The following TAFA1 variants were observed in gnomAD, a reference collection of about 807,000 sequenced individuals.
The protein encoded by TAFA1 is chemokine-like protein TAFA-1.
TAFA1 carries 4 observed loss-of-function variants against 18.5 expected under a neutral mutation model. That is an observed-to-expected ratio of 0.22 (90% CI 0.11 to 0.49). TAFA1 has a LOEUF of 0.49. Among genes scored for constraint, TAFA1 ranks in the 20% least tolerant of loss-of-function variants. TAFA1 has a pLI of 0.98. For synonymous variants in TAFA1, 56 were observed against 55.2 expected (o/e 1.01, Z -0.06); for missense variants, 147 against 169.0 (o/e 0.87, Z 0.72).
intron 2 of TAFA1, among the ~76,000 whole-genome samples, chr3:68,353,692 G>A (rs1418171695): frequency 6.6e-6 from 1 of 152,018 alleles, no homozygotes; most frequent in Non-Finnish European, 1.5e-5. Flanking sequence ...GACAGCAGAG[G>A]AGCAAGGTCA....
intron 4 of TAFA1, among the ~76,000 whole-genome samples, chr3:68,540,426 A>G (rs2073352953): frequency 6.6e-6 from 1 of 152,154 alleles, no homozygotes; most frequent in African/African-American, 2.4e-5. Flanking sequence ...ATTTTAATTA[A>G]CTAGTAGAAG....
intron 2 of TAFA1, among the ~76,000 whole-genome samples, chr3:68,402,581 A>G (rs1211539475): frequency 2.6e-5 from 4 of 152,156 alleles, no homozygotes; most frequent in African/African-American, 4.8e-5. Flanking sequence ...AATCAGAATT[A>G]CTGTTTGCCT....
At chr3:68,358,143 G>A (rs1268986642) in intron 2 of TAFA1, among the ~76,000 whole-genome samples, 1 of 151,906 alleles carries the variant, frequency 6.6e-6, no homozygotes, top group African/African-American at 2.4e-5. Context: ...CAGAATTACT[G>A]AAAACAACTA....
chr3:68,115,686 C>T (rs913143580), intron 2 of TAFA1, among the ~76,000 whole-genome samples: 2 of 152,162 alleles, frequency 1.3e-5, no homozygotes, highest in Non-Finnish European at 2.9e-5. Context: ...TTTTGCAGAC[C>T]GGTCAGCAGA....
chr3:68,349,316 A>G (rs1244783259), intron 2 of TAFA1, among the ~76,000 whole-genome samples: 2 of 152,012 alleles, frequency 1.3e-5, no homozygotes, highest in African/African-American at 4.8e-5. Flanking sequence ...TTGCTAAAAA[A>G]TTTGTACCAG....
chr3:68,195,236 A>G (rs1245858864), intron 2 of TAFA1, among the ~76,000 whole-genome samples: 1 of 150,684 alleles, frequency 6.6e-6, no homozygotes, highest in Non-Finnish European at 1.5e-5. Context: ...TACTACTTAA[A>G]ATGCTTAATT....
intron 3 of TAFA1, among the ~76,000 whole-genome samples, chr3:68,453,554 C>A (rs2071603685): frequency 6.6e-6 from 1 of 152,058 alleles, no homozygotes; most frequent in African/African-American, 2.4e-5. Context: ...TCTCTTTGTT[C>A]TTAATTATAT....
At chr3:68,055,400 C>T (rs1018020347) in intron 2 of TAFA1, among the ~76,000 whole-genome samples, 143 of 152,258 alleles carry the variant, frequency 9.4e-4, no homozygotes, top group African/African-American at 3.3e-3. Context: ...CTATATTTTG[C>T]TCCCTTCCCC....
rs1308766347 is a variant in TAFA1, at chr3:68,063,093, GA to G, written c.118+56352del. On this transcript the variant is annotated intron_variant, in intron 2 of 4. Transcript: ENST00000478136. ...AGCTCCAGTGGATCCTTGCCACGTA[GA>G]AATGCAGCACCAGCATTGCCTAAGA... 2.6e-5 allele frequency among the ~76,000 whole-genome samples: 4 copies of G among 152,320 alleles called. No homozygotes were observed. The East Asian group carries it at 7.7e-4, about 29-fold the overall frequency.
chr3:68,192,760 G>A (rs1404849570), intron 2 of TAFA1, among the ~76,000 whole-genome samples: 2 of 151,558 alleles, frequency 1.3e-5, no homozygotes, highest in Non-Finnish European at 2.9e-5. Flanking sequence ...GAAATAAAAG[G>A]GACACTCCAA....
chr3:68,466,568 A>C lies in TAFA1; in HGVS notation c.259+49148A>C, dbSNP rs1215307190. ...CGGTCCTGTATGAACATCCCTTGAAACACTGGGTCCCAGCATAAAATCTTG... is the reference window on the plus strand; with the variant it reads ...CGGTCCTGTATGAACATCCCTTGAACCACTGGGTCCCAGCATAAAATCTTG... On this transcript the variant is annotated intron_variant, in intron 3 of 4. Transcript: ENST00000478136. Among the ~76,000 whole-genome samples the C allele has an allele frequency of 2.0e-5, 3 of 152,180 alleles. No homozygotes were observed. The South Asian group carries it at 6.2e-4, about 32-fold the overall frequency.
At chr3:68,045,054 T>G (rs1419515588) in intron 2 of TAFA1, among the ~76,000 whole-genome samples, 3 of 152,166 alleles carry the variant, frequency 2.0e-5, no homozygotes, top group Admixed American at 2.0e-4. Context: ...GCTGGCTCAC[T>G]TATACAACTA....
intron 2 of TAFA1, among the ~76,000 whole-genome samples, chr3:68,306,169 T>A (rs1473187666): frequency 6.6e-6 from 1 of 152,236 alleles, no homozygotes; most frequent in Non-Finnish European, 1.5e-5. Flanking sequence ...AGGAGAATAC[T>A]AGAGTTGGTT....
chr3:68,043,943 A>T (rs1705217918), intron 2 of TAFA1, among the ~76,000 whole-genome samples: 1 of 152,128 alleles, frequency 6.6e-6, no homozygotes, highest in Non-Finnish European at 1.5e-5. Context: ...AGAAAGAAAA[A>T]TTCATTTCTG....
At chr3:68,260,446 G>A (rs986798260) in intron 2 of TAFA1, among the ~76,000 whole-genome samples, 1 of 152,054 alleles carries the variant, frequency 6.6e-6, no homozygotes, top group African/African-American at 2.4e-5. Context: ...GATGATGCTG[G>A]CCTCATAAAA....
intron 2 of TAFA1, among the ~76,000 whole-genome samples, chr3:68,305,409 C>CTACATATA: frequency 2.6e-5 from 1 of 38,202 alleles, no homozygotes; most frequent in South Asian, 1.2e-3. Flanking sequence ...GACTATATGA[C>CTACATATA]TATATATATA....
chr3:68,048,109 T>C (rs2064414651), intron 2 of TAFA1, among the ~76,000 whole-genome samples: 1 of 152,084 alleles, frequency 6.6e-6, no homozygotes, highest in South Asian at 2.1e-4. Context: ...CTTTATGAAA[T>C]GTAAGTGCTG....
chr3:68,063,321 G>A (rs554495913), intron 2 of TAFA1, among the ~76,000 whole-genome samples: 1 of 152,238 alleles, frequency 6.6e-6, no homozygotes, highest in South Asian at 2.1e-4. Context: ...AGCTAACGGT[G>A]GGTCTCATCT....
At chr3:68,125,477 T>C (rs2065453225) in intron 2 of TAFA1, among the ~76,000 whole-genome samples, 2 of 152,220 alleles carry the variant, frequency 1.3e-5, no homozygotes, top group South Asian at 4.1e-4. Context: ...TTATTTGGTT[T>C]GTGGCTATGA....
Sources: allele counts gnomAD v4.1 joint callset (sites outside exome capture counted in the v4.1 genomes callset), GRCh38; gene constraint gnomAD v4.1.1; transcripts MANE v1.5; gene names NCBI Gene and HGNC (gene_info 2026-07-23, HGNC 2026-07-21).